CNTNAP4: variants seen among roughly 807,000 people sequenced by gnomAD.
CNTNAP4 encodes the protein contactin-associated protein-like 4.
Under a neutral mutation model 148.4 loss-of-function variants are expected in CNTNAP4, and 98 were observed. That is an observed-to-expected ratio of 0.66 (90% CI 0.56 to 0.78). CNTNAP4 has a LOEUF of 0.78. CNTNAP4 is among the 30% of genes least tolerant of loss of function. The pLI is 0.00. For synonymous variants in CNTNAP4, 730 were observed against 565.1 expected, an observed-to-expected ratio of 1.29 and a Z score of -4.14; for missense variants, 1,935 against 1,565.6, an observed-to-expected ratio of 1.24 and a Z score of -3.98.
chr16:76,297,397 T>C lies in CNTNAP4; in HGVS notation c.86-19016T>C, dbSNP rs577035672. The stretch of plus-strand genomic sequence containing the variant: ...AAAGATAACTATTTATATTTATTTT[T>C]GTTCAATCATAATAATGTATTTAAT... On this transcript the variant is annotated intron_variant, in intron 1 of 23. Transcript: ENST00000611870. Among the ~76,000 whole-genome samples, 17 of 152,330 alleles carry C rather than the reference T, an allele frequency of 1.1e-4. No homozygotes were observed. In the East Asian group the frequency reaches 3.3e-3, roughly 29 times the overall value.
At chr16:76,497,560 C>G (rs754529824) in intron 14 of CNTNAP4, among the ~76,000 whole-genome samples, 5 of 151,818 alleles carry the variant, frequency 3.3e-5, no homozygotes, top group Admixed American at 6.6e-5. Context: ...ATGGATGAAG[C>G]TGGAAACCAT....
At chr16:76,534,393 A>G (rs2084124412) in intron 17 of CNTNAP4, among the ~76,000 whole-genome samples, 1 of 152,196 alleles carries the variant, frequency 6.6e-6, no homozygotes, top group Non-Finnish European at 1.5e-5. Context: ...TAAAGAGTAC[A>G]TACAAGGTCC....
At chr16:76,341,825 T>C (rs1964492197) in intron 2 of CNTNAP4, among the ~76,000 whole-genome samples, 2 of 152,172 alleles carry the variant, frequency 1.3e-5, no homozygotes, top group Admixed American at 1.3e-4. Flanking sequence ...GTGTTAGCTT[T>C]TTAGCGAAAG....
intron 11 of CNTNAP4, among the ~76,000 whole-genome samples, chr16:76,478,450 A>G (rs2081675721): frequency 6.6e-6 from 1 of 152,234 alleles, no homozygotes; most frequent in African/African-American, 2.4e-5. Context: ...GTAAATTTAC[A>G]TGATTACTTG....
intron 3 of CNTNAP4, among the ~76,000 whole-genome samples, chr16:76,423,371 C>A (rs2079261058): frequency 6.6e-6 from 1 of 151,958 alleles, no homozygotes; most frequent in Non-Finnish European, 1.5e-5. Context: ...AATTTCAGGA[C>A]CCTCCCCACA....
chr16:76,333,779 G>GTTTTTTTTTTTTTTTTTT (rs549878036), intron 2 of CNTNAP4, among the ~76,000 whole-genome samples: 3 of 45,608 alleles, frequency 6.6e-5, no homozygotes, highest in Non-Finnish European at 1.3e-4. Context: ...TGGGTTATAG[G>GTTTTTTTTTTTTTTTTTT]TTTTTTTTTT....
intron 2 of CNTNAP4, among the ~76,000 whole-genome samples, chr16:76,352,391 T>C (rs557829259): frequency 4.6e-5 from 7 of 152,260 alleles, no homozygotes; most frequent in African/African-American, 1.4e-4. Context: ...CCCTACTGCC[T>C]GGTAGCTTAA....
chr16:76,539,741 G>A lies in CNTNAP4; in HGVS notation c.3243G>A (p.Lys1081=), dbSNP rs1440490565. Residue 1081 remains lysine, a synonymous_variant, in exon 20 of 24, where the codon AAG becomes AAA. Coordinates refer to ENST00000611870, the MANE Select transcript of CNTNAP4 (RefSeq NM_033401.5). ...TAGGAAGTTTGCAGATCAGGTACAA[G>A]TTAAATAAATATCAAGAGCCTGATG... is the stretch of plus-strand genomic sequence containing the variant. ...AKNGSLQIRY[K]LNKYQEPDVV... The A allele has an allele frequency of 1.3e-6, 2 of 1,599,524 alleles. No homozygotes were observed. The highest frequency in any genetic ancestry group is 1.7e-6 in the Non-Finnish European group (2 of 1,175,152).
At position 76,452,586 on chromosome 16, in the gene CNTNAP4, C is replaced by T. The variant is rs762920106; in HGVS notation, c.1150C>T (p.Pro384Ser). The T allele has an allele frequency of 1.9e-6, 3 of 1,613,988 alleles. No individual in the cohort carries two copies. Among genetic ancestry groups the T allele is most frequent in the Non-Finnish European group, 1.7e-6 (2 of 1,179,880 alleles). The stretch of plus-strand genomic sequence containing the variant: ...GAGCTCCAGGAGTTATTTAGCACTG[C>T]CAGACTTCTCTGGAGAGGAGGAGGT... ...FLSSRSYLAL[P>S]DFSGEEEVSA... The change falls in exon 8 of 24, where the codon CCA becomes TCA. Residue 384 changes from proline (P) to serine (S), a missense_variant. Transcript: ENST00000611870.
chr16:76,463,444 G>C (rs2081058070), intron 9 of CNTNAP4, among the ~76,000 whole-genome samples: 1 of 152,044 alleles, frequency 6.6e-6, no homozygotes, highest in African/African-American at 2.4e-5. Flanking sequence ...TCTAGTGATT[G>C]CTTTTAGTCA....
chr16:76,491,051 C>T (rs554526155), intron 13 of CNTNAP4, among the ~76,000 whole-genome samples: 40 of 152,230 alleles, frequency 2.6e-4, no homozygotes, highest in Admixed American at 1.4e-3. Flanking sequence ...CCTGCATTTC[C>T]GATTAAGTCT....
chr16:76,499,907 A>G (rs917489467), intron 15 of CNTNAP4, among the ~76,000 whole-genome samples: 1 of 152,190 alleles, frequency 6.6e-6, no homozygotes, highest in Non-Finnish European at 1.5e-5. Flanking sequence ...ATCCCAAGGC[A>G]GAAGAATTTT....
At chr16:76,403,188 G>T (rs1401208228) in intron 3 of CNTNAP4, among the ~76,000 whole-genome samples, 6 of 151,820 alleles carry the variant, frequency 4.0e-5, no homozygotes, top group Admixed American at 3.9e-4. Flanking sequence ...CACCTTCCAG[G>T]TTCACACCAT....
intron 1 of CNTNAP4, among the ~76,000 whole-genome samples, chr16:76,306,177 A>G (rs1429903383): frequency 6.6e-6 from 1 of 152,214 alleles, no homozygotes; most frequent in Non-Finnish European, 1.5e-5. Flanking sequence ...ATGTATACCC[A>G]GTAATGAGAT....
chr16:76,350,914 A>G (rs781768925), intron 2 of CNTNAP4, among the ~76,000 whole-genome samples: 3 of 152,152 alleles, frequency 2.0e-5, no homozygotes, highest in Non-Finnish European at 2.9e-5. Flanking sequence ...AAGTTAAGGT[A>G]GGAGAAAGAG....
At chr16:76,334,328 C>T (rs1020402245) in intron 2 of CNTNAP4, among the ~76,000 whole-genome samples, 1 of 151,962 alleles carries the variant, frequency 6.6e-6, no homozygotes, top group African/African-American at 2.4e-5. Context: ...GAAACAAAAG[C>T]CCTTCCCAGT....
At chr16:76,419,377 T>A (rs2079102502) in intron 3 of CNTNAP4, among the ~76,000 whole-genome samples, 1 of 152,012 alleles carries the variant, frequency 6.6e-6, no homozygotes, top group South Asian at 2.1e-4. Context: ...TTCACAGTCA[T>A]TCCCTTTCCC....
rs574535110 is a variant in CNTNAP4 at position 76,461,545 on chromosome 16, A to G, written c.1334-411A>G. Among the ~76,000 whole-genome samples, 3 of 152,308 alleles carry G rather than the reference A, an allele frequency of 2.0e-5. No individual in the cohort carries two copies. The South Asian group carries it at 6.2e-4, about 32-fold the overall frequency. On this transcript the variant is annotated intron_variant, in intron 8 of 23. Transcript: ENST00000611870. ...CAATATTGTTGTAATGATTGATGGT[A>G]TAGTTTGCTAAATACTCTATTATCC...
intron 18 of CNTNAP4, 54 bp downstream of exon 18, chr16:76,535,838 T>C: frequency 4.5e-6 from 7 of 1,544,184 alleles, no homozygotes; most frequent in Non-Finnish European, 6.1e-6. Context: ...GTGGATTAAA[T>C]GTCTGGCAGT....
Sources: allele counts gnomAD v4.1 joint callset (sites outside exome capture counted in the v4.1 genomes callset), GRCh38; gene constraint gnomAD v4.1.1; transcripts MANE v1.5; gene names NCBI Gene and HGNC (gene_info 2026-07-23, HGNC 2026-07-21).